The following WWC2 variants were observed in gnomAD, a reference collection of about 807,000 sequenced individuals.
WWC2 encodes the protein protein WWC2.
WWC2 carries 101 observed loss-of-function variants against 138.5 expected under a neutral mutation model. The observed-to-expected ratio is 0.73, with a 90% confidence interval of 0.62 to 0.86. The LOEUF is 0.86. Among genes scored for constraint, WWC2 ranks in the 40% least tolerant of loss-of-function variants. The probability of loss-of-function intolerance (pLI) is 0.00; values close to 1 mark genes in which losing one functional copy is unlikely to be tolerated. For missense variants in WWC2, 1,420 were observed against 1,419.4 expected (o/e 1.00, Z -0.01); for synonymous variants, 558 against 538.4 (o/e 1.04, Z -0.50).
intron 16 of WWC2, among the ~76,000 whole-genome samples, chr4:183,277,315 AT>A (rs1737893476): frequency 1.3e-5 from 2 of 151,472 alleles, no homozygotes; most frequent in South Asian, 4.2e-4. Flanking sequence ...TGAACTCATC[AT>A]TTTTTATGGC....
At chr4:183,214,699 G>A (rs1735703356) in intron 4 of WWC2, among the ~76,000 whole-genome samples, 1 of 151,948 alleles carries the variant, frequency 6.6e-6, no homozygotes, top group South Asian at 2.1e-4. Context: ...GGCTGAGGCA[G>A]GAGAATCTCT....
intron 4 of WWC2, among the ~76,000 whole-genome samples, chr4:183,214,589 T>TG (rs1371014025): frequency 6.6e-6 from 1 of 151,828 alleles, no homozygotes; most frequent in Non-Finnish European, 1.5e-5. Context: ...GGTCGGGAGT[T>TG]CGAGACCAGC....
intron 4 of WWC2, among the ~76,000 whole-genome samples, chr4:183,217,545 A>G (rs1735791546): frequency 6.6e-6 from 1 of 152,182 alleles, no homozygotes; most frequent in Non-Finnish European, 1.5e-5. Flanking sequence ...CATATGCTCA[A>G]GAATGTAAAG....
At chr4:183,306,834 C>T (rs1579075476) in intron 21 of WWC2, among the ~76,000 whole-genome samples, 2 of 126,568 alleles carry the variant, frequency 1.6e-5, no homozygotes, top group South Asian at 2.7e-4. Flanking sequence ...ACCAGGATAA[C>T]AATTCTTAGA....
chr4:183,236,224 G>T (rs903271799), intron 4 of WWC2, among the ~76,000 whole-genome samples: 10 of 152,114 alleles, frequency 6.6e-5, no homozygotes, highest in African/African-American at 2.4e-4. Flanking sequence ...TGCCAGTTGT[G>T]TGCTGTTTTG....
At chr4:183,176,831 C>T (rs1734483712) in intron 1 of WWC2, among the ~76,000 whole-genome samples, 1 of 152,176 alleles carries the variant, frequency 6.6e-6, no homozygotes, top group Admixed American at 6.5e-5. Flanking sequence ...CAAATGGCAG[C>T]TGCAGCCAAG....
chr4:183,245,648 T>C (rs1736755403), intron 6 of WWC2, 103 bp downstream of exon 6: 1 of 1,295,228 alleles, frequency 7.7e-7, no homozygotes, highest in East Asian at 3.0e-5. Context: ...ATGACCCTTC[T>C]ACCTCTGCCA....
chr4:183,252,900 T>C (rs1737021706), intron 8 of WWC2, among the ~76,000 whole-genome samples: 1 of 152,096 alleles, frequency 6.6e-6, no homozygotes, highest in Non-Finnish European at 1.5e-5. Flanking sequence ...CCCAGGGTCT[T>C]GCTCTGTCAC....
At chr4:183,305,088 A>G (rs1205414710) in intron 21 of WWC2, among the ~76,000 whole-genome samples, 2 of 152,216 alleles carry the variant, frequency 1.3e-5, no homozygotes, top group African/African-American at 4.8e-5. Flanking sequence ...AGTCCTAGAG[A>G]TCAAAAACAC....
chr4:183,099,434 C>T lies in WWC2; in HGVS notation c.-58C>T, dbSNP rs1384706782. 8 of 1,198,724 alleles carry T rather than the reference C, an allele frequency of 6.7e-6. No homozygotes were observed. Among genetic ancestry groups the T allele is most frequent in the South Asian group, 3.9e-5 (1 of 25,946 alleles). 74.3% of individuals were successfully genotyped at this position (1,198,724 alleles called of 1,614,324 possible). ...CAGCCTAGCCCGGCAGCCGCGTTCC[C>T]GCCGCGTCCCGCGCCCGGTACCTAT... On this transcript the variant is annotated 5_prime_UTR_variant, in exon 1 of 23. Coordinates refer to ENST00000403733, the MANE Select transcript of WWC2 (RefSeq NM_024949.6).
At position 183,240,244 on chromosome 4, in the gene WWC2, G is replaced by T. The variant is rs764605101; in HGVS notation, c.584G>T (p.Gly195Val). 3.2e-6 allele frequency: 5 copies of T among 1,552,200 alleles called. No individual in the cohort carries two copies. Among genetic ancestry groups the T allele is most frequent in the Non-Finnish European group, 4.4e-6 (5 of 1,147,680 alleles). Residue 195 changes from glycine to valine, a missense_variant, in exon 5 of 23, where the codon GGC (glycine) becomes GTC (valine). By Grantham distance (109) the Gly-to-Val change is moderately radical (BLOSUM62 -3). Transcript: ENST00000403733. ...CAGGAACTGCTCTATAAAGAACAAG[G>T]CTTTGAAACATTGCAGCAGTGAGTA... is the stretch of plus-strand genomic sequence containing the variant. ...MKQELLYKEQ[G>V]FETLQQIDKK...
chr4:183,254,046 G>A (rs1037034566), intron 9 of WWC2, 47 bp downstream of exon 9: 10 of 1,584,306 alleles, frequency 6.3e-6, no homozygotes, highest in African/African-American at 1.4e-5. Flanking sequence ...TTGTGGGGGT[G>A]TCTTAACTGG....
chr4:183,102,005 T>C (rs536475074), intron 1 of WWC2, among the ~76,000 whole-genome samples: 12 of 152,350 alleles, frequency 7.9e-5, no homozygotes, highest in African/African-American at 2.2e-4. Flanking sequence ...TAGGGGAGGC[T>C]AGGGCATTTT....
intron 1 of WWC2, among the ~76,000 whole-genome samples, chr4:183,182,719 AAAAT>A (rs1305012276): frequency 3.9e-5 from 6 of 152,360 alleles, no homozygotes; most frequent in Non-Finnish European, 7.3e-5. Flanking sequence ...AATAATAGCA[AAAAT>A]AAATCACAAG....
intron 21 of WWC2, among the ~76,000 whole-genome samples, chr4:183,310,398 G>A (rs1351080862): frequency 6.6e-6 from 1 of 152,076 alleles, no homozygotes; most frequent in Admixed American, 6.5e-5. Context: ...GTTATGTGAC[G>A]AAGGTTTAAC....
At position 183,319,689 on chromosome 4, in the gene WWC2, A is replaced by G. The variant is rs61734096; in HGVS notation, c.*3960A>G. On this transcript the variant is annotated 3_prime_UTR_variant, in exon 23 of 23. Coordinates refer to ENST00000403733, the MANE Select transcript of WWC2 (RefSeq NM_024949.6). ...ACAGTGGAGCAGACACCCTCCTAGC[A>G]GAAGAGAAAGTCCAGCAAACCAGCC... The G allele has an allele frequency of 5.8e-3, 9,296 of 1,614,038 alleles. 421 individuals are homozygous for G. The African/African-American group carries it at 0.11, about 19-fold the overall frequency.
chr4:183,221,051 G>T (rs929881875), intron 4 of WWC2, among the ~76,000 whole-genome samples: 1 of 152,176 alleles, frequency 6.6e-6, no homozygotes, highest in Non-Finnish European at 1.5e-5. Context: ...CCAATTTCAT[G>T]ATAGCTGCAA....
intron 1 of WWC2, among the ~76,000 whole-genome samples, chr4:183,108,904 C>A (rs540197168): frequency 6.6e-6 from 1 of 152,284 alleles, no homozygotes; most frequent in Non-Finnish European, 1.5e-5. Flanking sequence ...ACACCACACC[C>A]GGCCCGATTG....
At chr4:183,178,448 A>T (rs1400189615) in intron 1 of WWC2, among the ~76,000 whole-genome samples, 1 of 151,342 alleles carries the variant, frequency 6.6e-6, no homozygotes. Context: ...GCATAGTGGC[A>T]CATACCGGTA....
Sources: gnomAD v4.1 joint callset for allele counts (sites outside exome capture counted in the v4.1 genomes callset) on GRCh38, gnomAD v4.1.1 for gene constraint, MANE v1.5 for transcripts, NCBI Gene and HGNC (gene_info 2026-07-23, HGNC 2026-07-21) for gene names.